ESRRB: variants seen among roughly 807,000 people sequenced by gnomAD.
ESRRB encodes steroid hormone receptor ERR2.
ESRRB carries 16 observed loss-of-function variants against 46.0 expected under a neutral mutation model. That is an observed-to-expected ratio of 0.35 (90% CI 0.24 to 0.53). The LOEUF is 0.53. Among genes scored for constraint, ESRRB ranks in the 20% least tolerant of loss-of-function variants. The probability of loss-of-function intolerance (pLI) is 0.93; values close to 1 mark genes in which losing one functional copy is unlikely to be tolerated. For synonymous variants in ESRRB, 246 were observed against 259.6 expected (o/e 0.95, Z 0.50); for missense variants, 488 against 607.4 (o/e 0.80, Z 2.07).
rs548009198 is a variant in ESRRB, at chr14:76,328,288, G to A, written c.2+17372G>A. Among the ~76,000 whole-genome samples the A allele has an allele frequency of 2.6e-4, 39 of 152,296 alleles. 1 individual carries two copies. The highest frequency in any genetic ancestry group is 2.6e-3 in the Admixed American group (39 of 15,286). ...CATTTTAGCAAAAGCTCTACTGTGT[G>A]TTTTAGAAACTTCAAATGTAGGAAG... On this transcript the variant is annotated intron_variant, in intron 1 of 6. Transcript: ENST00000512784.
intron 2 of ESRRB, among the ~76,000 whole-genome samples, chr14:76,447,872 A>G (rs1432357978): frequency 1.3e-5 from 2 of 152,130 alleles, no homozygotes; most frequent in Admixed American, 6.6e-5. Context: ...CCCTGCTGCC[A>G]GGCTCGGCCG....
At chr14:76,357,507 G>A (rs778830104) in intron 1 of ESRRB, among the ~76,000 whole-genome samples, 19 of 152,176 alleles carry the variant, frequency 1.2e-4, no homozygotes, top group Non-Finnish European at 2.4e-4. Context: ...TTTTATGTAT[G>A]TATATAAGTG....
chr14:76,386,263 A>G (rs1595068290), intron 1 of ESRRB, among the ~76,000 whole-genome samples: 2 of 152,300 alleles, frequency 1.3e-5, no homozygotes, highest in Admixed American at 1.3e-4. Context: ...ATACCCAGTT[A>G]AATGTGAATT....
rs570733345 is a variant in ESRRB at position 76,456,599 on chromosome 14, G to T, written c.461-5946G>T. Among the ~76,000 whole-genome samples, 25 of 152,264 alleles carry T rather than the reference G, an allele frequency of 1.6e-4. No individual in the cohort carries two copies. The East Asian group carries it at 4.6e-3, about 28-fold the overall frequency. On this transcript the variant is annotated intron_variant, in intron 2 of 6. Coordinates refer to ENST00000644823, the MANE Select transcript of ESRRB (RefSeq NM_001379180.1). ...CCCCTTCATTTCTGACAGGTTGCAGGTGGCTAGTCGTCCCTTTGATGAGAC... is the reference window on the plus strand; with the variant it reads ...CCCCTTCATTTCTGACAGGTTGCAGTTGGCTAGTCGTCCCTTTGATGAGAC...
intron 2 of ESRRB, among the ~76,000 whole-genome samples, chr14:76,443,579 G>C (rs1888007822): frequency 6.6e-6 from 1 of 152,180 alleles, no homozygotes; most frequent in Non-Finnish European, 1.5e-5. Flanking sequence ...GTCTTGGAGA[G>C]GTTGCCATTA....
At chr14:76,456,091 G>T (rs1199341537) in intron 2 of ESRRB, among the ~76,000 whole-genome samples, 1 of 142,606 alleles carries the variant, frequency 7.0e-6, no homozygotes, top group African/African-American at 2.7e-5. Flanking sequence ...AGAAAGAAAA[G>T]AAAAGAATTG....
At chr14:76,328,346 C>T (rs1396556421) in intron 1 of ESRRB, among the ~76,000 whole-genome samples, 2 of 152,176 alleles carry the variant, frequency 1.3e-5, no homozygotes, top group Non-Finnish European at 2.9e-5. Context: ...TTAGAGTTGG[C>T]CTAGGAATGA....
upstream of ESRRB, among the ~76,000 whole-genome samples, chr14:76,374,554 C>T (rs887825222): frequency 2.0e-5 from 3 of 152,100 alleles, no homozygotes; most frequent in Non-Finnish European, 4.4e-5. Flanking sequence ...ACAAATCGCT[C>T]CCTGGCTGCT....
rs777066644 is a variant in ESRRB at position 76,498,227 on chromosome 14, C to T, written c.1134C>T (p.Ile378=). Residue 378 remains isoleucine (I), a synonymous_variant, in exon 7 of 7, where the codon ATC becomes ATT. Coordinates refer to ENST00000644823, the MANE Select transcript of ESRRB (RefSeq NM_001379180.1). ...LALANSDSMY[I]EDLEAVQKLQ... ...TTGTGCCTGCAGATTCCATGTACAT[C>T]GAGGATCTAGAGGCTGTCCAGAAGC... 2.5e-6 allele frequency: 4 copies of T among 1,613,802 alleles called. No homozygotes were observed. Among genetic ancestry groups the T allele is most frequent in the Admixed American group, 3.3e-5 (2 of 60,018 alleles).
chr14:76,395,076 T>C (rs1192165256), intron 1 of ESRRB, among the ~76,000 whole-genome samples: 1 of 152,102 alleles, frequency 6.6e-6, no homozygotes, highest in Non-Finnish European at 1.5e-5. Flanking sequence ...TTGCCCTTGG[T>C]GACCTCAGTA....
At chr14:76,484,652 G>A (rs1889934446) in intron 5 of ESRRB, among the ~76,000 whole-genome samples, 1 of 152,188 alleles carries the variant, frequency 6.6e-6, no homozygotes, top group African/African-American at 2.4e-5. Flanking sequence ...AAGACCAGGA[G>A]ACCCTGTCTC....
At chr14:76,421,329 G>A (rs1289056683) in intron 1 of ESRRB, among the ~76,000 whole-genome samples, 2 of 152,136 alleles carry the variant, frequency 1.3e-5, no homozygotes, top group African/African-American at 4.8e-5. Flanking sequence ...AAGGTGTGGG[G>A]CCCACCTGAC....
chr14:76,382,485 C>T (rs1885055676), intron 1 of ESRRB, among the ~76,000 whole-genome samples: 1 of 152,182 alleles, frequency 6.6e-6, no homozygotes, highest in Non-Finnish European at 1.5e-5. Flanking sequence ...TGCCCTTCTC[C>T]AGGATAACAG....
intron 1 of ESRRB, among the ~76,000 whole-genome samples, chr14:76,331,587 C>G (rs61619848): frequency 0.048 from 7,286 of 152,184 alleles, 205 homozygotes; most frequent in East Asian, 0.13. Flanking sequence ...ATGGAGAAGG[C>G]CGAATATGGA....
In ESRRB at chr14:76,347,493, TG is replaced by T. The variant is rs1343728469; in HGVS notation, c.2+36583del. On this transcript the variant is annotated intron_variant, in intron 1 of 6. Transcript: ENST00000512784. ...TAAATGGGTAACACTTAGCACAGAA[TG>T]GGGGGCCCAATACTCTAAGCTACTA... 3.5e-5 allele frequency among the ~76,000 whole-genome samples: 2 copies of T among 56,546 alleles called. 1 individual carries two copies. The highest frequency in any genetic ancestry group is 5.4e-4 in the Admixed American group (2 of 3,670). 37.1% of individuals were successfully genotyped at this position (56,546 alleles called of 152,430 possible). A position where few individuals can be genotyped will look rare whatever the true frequency, so the allele number is the denominator to read the frequency against.
chr14:76,473,822 C>T (rs544205583), intron 3 of ESRRB, among the ~76,000 whole-genome samples: 9 of 152,348 alleles, frequency 5.9e-5, no homozygotes, highest in Admixed American at 3.3e-4. Flanking sequence ...GACGCTGTGA[C>T]GTGCCTGCAG....
intron 1 of ESRRB, among the ~76,000 whole-genome samples, chr14:76,424,696 G>A (rs1002118005): frequency 2.6e-5 from 4 of 152,202 alleles, no homozygotes; most frequent in Non-Finnish European, 5.9e-5. Flanking sequence ...GCACTGGGCA[G>A]AGCTCACCTG....
At chr14:76,439,230 CACCAAAGCCTTAGCATAG>C in intron 1 of ESRRB, 93 bp from the exon 2 acceptor site, 1 of 1,260,082 alleles carries the variant, frequency 7.9e-7, no homozygotes, top group Non-Finnish European at 1.2e-6. Context: ...TGTTTTATCG[CACCAAAGCCTTAGCATAG>C]AGCCCTTCCC....
rs566519589 is a variant in ESRRB, at chr14:76,397,424, C to T, written c.50+20973C>T. Among the ~76,000 whole-genome samples, 14 of 152,342 alleles carry T rather than the reference C, an allele frequency of 9.2e-5. No individual in the cohort carries two copies. The East Asian group carries it at 9.7e-4, about 11-fold the overall frequency. On this transcript the variant is annotated intron_variant, in intron 1 of 6. Transcript: ENST00000644823. ...CTTCTCTGCCCTCTGATGCTACCCA[C>T]GCAAAACAGCCAAAGCGCCAGGTAC... is the stretch of plus-strand genomic sequence containing the variant.
Sources: allele counts gnomAD v4.1 joint callset (sites outside exome capture counted in the v4.1 genomes callset), GRCh38; gene constraint gnomAD v4.1.1; transcripts MANE v1.5; gene names NCBI Gene and HGNC (gene_info 2026-07-23, HGNC 2026-07-21).